Variants in NFRKB observed in about 807,000 individuals in gnomAD.
NFRKB encodes nuclear factor related to kappaB binding protein, also known as nuclear factor related to kappa-B-binding protein.
A neutral mutation model predicts 135.7 loss-of-function variants in NFRKB; 62 were observed. The ratio of observed to expected loss-of-function variants is 0.46; its 90% CI spans 0.37 to 0.56. The LOEUF is 0.56. Ranked by LOEUF, NFRKB falls within the 20% of genes least tolerant of loss-of-function variation. The pLI, the probability that NFRKB is intolerant of heterozygous loss-of-function variation, is 0.00. For missense variants in NFRKB, 1,545 were observed against 1,662.0 expected (o/e 0.93, Z 1.22); for synonymous variants, 678 against 635.6 (o/e 1.07, Z -1.00).
intron 26 of NFRKB, 47 bp from the exon 27 acceptor site, chr11:129,864,897 C>G (rs1948118689): frequency 5.0e-6 from 8 of 1,613,832 alleles, no homozygotes; most frequent in Non-Finnish European, 6.8e-6. Flanking sequence ...CAAGCGGGCT[C>G]ACCAGTTAAG....
chr11:129,882,379 CTAGGGGCCAGGGCA>C, intron 10 of NFRKB, 58 bp downstream of exon 10: 1 of 1,535,810 alleles, frequency 6.5e-7, no homozygotes, highest in South Asian at 1.2e-5. Context: ...ACGACAAGCC[CTAGGGGCCAGGGCA>C]CAGCCTATGG....
chr11:129,882,711 TC>T, intron 9 of NFRKB, 80 bp from the exon 10 acceptor site: 4 of 1,386,774 alleles, frequency 2.9e-6, no homozygotes, highest in South Asian at 1.4e-5. Context: ...CATATTCTTT[TC>T]CCAAGGCCCA....
At chr11:129,868,380 A>C (rs1020244890) in intron 24 of NFRKB, among the ~76,000 whole-genome samples, 1 of 152,226 alleles carries the variant, frequency 6.6e-6, no homozygotes, top group Non-Finnish European at 1.5e-5. Flanking sequence ...TGAAATCAAA[A>C]AAGAACCCCC....
intron 2 of NFRKB, chr11:129,893,363 G>T (rs777068662): frequency 6.0e-6 from 2 of 333,702 alleles, no homozygotes; most frequent in South Asian, 4.1e-5. Context: ...GACCAGCCTA[G>T]CGAACATGGC....
At chr11:129,882,044 T>C in intron 11 of NFRKB, 42 bp downstream of exon 11, 1 of 1,541,082 alleles carries the variant, frequency 6.5e-7, no homozygotes, top group South Asian at 1.2e-5. Context: ...TTTGAACACT[T>C]TGAAAACTCT....
intron 13 of NFRKB, among the ~76,000 whole-genome samples, chr11:129,881,166 C>A (rs1211819350): frequency 6.6e-6 from 1 of 152,194 alleles, no homozygotes; most frequent in East Asian, 1.9e-4. Context: ...GATGCTCTTG[C>A]AAAATACCCT....
At chr11:129,881,355 A>C (rs1949016816) in intron 13 of NFRKB, 88 bp downstream of exon 13, 1 of 1,324,176 alleles carries the variant, frequency 7.6e-7, no homozygotes, top group South Asian at 1.2e-5. Context: ...ACCAATCTGC[A>C]GGACTATATT....
At chr11:129,872,317 CA>C (rs549963576) in intron 23 of NFRKB, among the ~76,000 whole-genome samples, 11 of 146,378 alleles carry the variant, frequency 7.5e-5, no homozygotes, top group South Asian at 2.2e-4. Context: ...GTTTGTTGAA[CA>C]AAAAAAAAAC....
At position 129,869,434 on chromosome 11, in the gene NFRKB, G is replaced by T. The variant is rs188399037; in HGVS notation, c.3531+60C>A. 5.5e-3 allele frequency: 8,285 copies of T among 1,510,550 alleles called. 390 individuals are homozygous for T. In the African/African-American group the frequency reaches 0.1, roughly 19 times the overall value. The allele number at this position is 1,510,550 out of a possible 1,614,324, so 93.6% of individuals were successfully genotyped here. The stretch of plus-strand genomic sequence containing the variant: ...TAGGGAGTTTCTCGGGTAATGGGCA[G>T]TTGAGCCTTGATTAAGTTTTCTAAA... On this transcript the variant is annotated intron_variant, in intron 24 of 26. Transcript: ENST00000682444.
chr11:129,886,260 G>T, intron 5 of NFRKB, 57 bp downstream of exon 5: 1 of 1,556,274 alleles, frequency 6.4e-7, no homozygotes. Flanking sequence ...ATTGCTTCTT[G>T]AAGTCATGAT....
At chr11:129,883,016 C>A (rs1444740112) in intron 9 of NFRKB, 106 bp downstream of exon 9, 5 of 982,722 alleles carry the variant, frequency 5.1e-6, no homozygotes, top group East Asian at 4.8e-5. Flanking sequence ...ATAAAGGTTA[C>A]CAGCATGAGA....
chr11:129,885,332 GTTTC>G (rs1949222679), intron 6 of NFRKB, 99 bp downstream of exon 6: 2 of 1,332,990 alleles, frequency 1.5e-6, no homozygotes, highest in Non-Finnish European at 2.1e-6. Context: ...ACTCAAGAGG[GTTTC>G]TTTGCTGGGG....
At position 129,869,513 on chromosome 11, in the gene NFRKB, A is replaced by G. The variant is rs1948386625; in HGVS notation, c.3512T>C (p.Val1171Ala). Reference sequence around the variant, plus strand: ...ACTCACAGCCTGGGACGTGGACACAACCGTGGTGCTGACAGGGACCTGCCG... The same window carrying G: ...ACTCACAGCCTGGGACGTGGACACAGCCGTGGTGCTGACAGGGACCTGCCG... ...TVRQVPVSTT[V>A]VSTSQAGKLP... The change falls in exon 24 of 27, where the codon GTT becomes GCT. Residue 1171 changes from valine to alanine, a missense_variant. Val to Ala is a moderately conservative substitution (Grantham distance 64, BLOSUM62 0). Coordinates refer to ENST00000682444, the MANE Select transcript of NFRKB (RefSeq NM_001143835.2). 6.2e-7 allele frequency: 1 copy of G among 1,611,556 alleles called. No individual in the cohort carries two copies. Among genetic ancestry groups the G allele is most frequent in the African/African-American group, 1.3e-5 (1 of 75,048 alleles).
intron 7 of NFRKB, 136 bp downstream of exon 7, chr11:129,884,609 A>G (rs776137165): frequency 6.8e-6 from 7 of 1,027,726 alleles, no homozygotes; most frequent in Admixed American, 2.3e-5. Flanking sequence ...AAACTTTGCC[A>G]AACAAATCAC....
chr11:129,883,905 G>A (rs1438971782), intron 8 of NFRKB, among the ~76,000 whole-genome samples, 165 bp downstream of exon 8: 4 of 152,184 alleles, frequency 2.6e-5, no homozygotes, highest in Non-Finnish European at 4.4e-5. Flanking sequence ...CAAAGCCACC[G>A]TGCCTCACAT....
chr11:129,872,574 G>A (rs983487461), intron 23 of NFRKB: 1 of 224,154 alleles, frequency 4.5e-6, no homozygotes, highest in Non-Finnish European at 8.8e-6. Context: ...GTGGTAAACT[G>A]AGAAGCCAAT....
rs1003856386 is a variant in NFRKB, at chr11:129,874,294, T to C, written c.2098A>G (p.Ser700Gly). ...ATCTGGCTCTGCTCAGAAGGGCCACTGCTAAGGACCTTTATGGAGCTCTCC... is the reference window on the plus strand; with the variant it reads ...ATCTGGCTCTGCTCAGAAGGGCCACCGCTAAGGACCTTTATGGAGCTCTCC... ...SKESSIKVLS[S>G]GPSEQSQMSL... The change falls in exon 21 of 27, where the codon AGT (serine) becomes GGT (glycine). Residue 700 changes from serine to glycine, a missense_variant. Physicochemically the swap from Ser to Gly is moderately conservative, Grantham distance 56. Around this residue, in one of 3 missense-constraint regions of NFRKB, gnomAD observed 753 missense variants for 804.3 expected, o/e 0.94. Coordinates refer to ENST00000682444, the MANE Select transcript of NFRKB (RefSeq NM_001143835.2). The surrounding 1 kb of genome is among the most constrained non-coding windows in gnomAD (Gnocchi z 4.5). 5.3e-6 allele frequency: 8 copies of C among 1,516,472 alleles called. No homozygotes were observed. In the Admixed American group the frequency reaches 6.8e-5, roughly 13 times the overall value. The allele number at this position is 1,516,472 out of a possible 1,614,324, so 93.9% of individuals were successfully genotyped here.
chr11:129,893,928 T>C (rs2135680911), intron 2 of NFRKB: 1 of 152,360 alleles, frequency 6.6e-6, no homozygotes, highest in Middle Eastern at 3.4e-3. Flanking sequence ...TGATATGACT[T>C]TATTAGTCCA....
In NFRKB at chr11:129,864,644, A is replaced by G; in HGVS notation, c.*81T>C. On this transcript the variant is annotated 3_prime_UTR_variant, in exon 27 of 27. Coordinates refer to ENST00000682444, the MANE Select transcript of NFRKB (RefSeq NM_001143835.2). Reference sequence around the variant, plus strand: ...GCTGCCTTGAACAGGCAAGCTTAAAACAATGATGCAACCTCCCTGGTCCCT... The same window carrying G: ...GCTGCCTTGAACAGGCAAGCTTAAAGCAATGATGCAACCTCCCTGGTCCCT... 6.3e-7 allele frequency: 1 copy of G among 1,593,206 alleles called. No homozygotes were observed. The highest frequency in any genetic ancestry group is 8.6e-7 in the Non-Finnish European group (1 of 1,167,462).
Sources: gnomAD v4.1 joint callset for allele counts (sites outside exome capture counted in the v4.1 genomes callset) on GRCh38, gnomAD v4.1.1 for gene constraint, gnomAD v4.1.1 regional missense constraint, Gnocchi (gnomAD v3.1) non-coding constraint, MANE v1.5 for transcripts, NCBI Gene and HGNC (gene_info 2026-07-23, HGNC 2026-07-21) for gene names.